The following ACR variants were observed in gnomAD, a reference collection of about 807,000 sequenced individuals.
ACR encodes acrosin light and heavy chain prepropeptide.
A neutral mutation model predicts 26.0 loss-of-function variants in ACR; 17 were observed. The ratio of observed to expected loss-of-function variants is 0.65; its 90% CI spans 0.45 to 0.98. ACR has a LOEUF of 0.98. Ranked by LOEUF, ACR falls within the 50% of genes least tolerant of loss-of-function variation. The pLI, the probability that ACR is intolerant of heterozygous loss-of-function variation, is 0.00. For missense variants in ACR, 435 were observed against 519.3 expected, an observed-to-expected ratio of 0.84 and a Z score of 1.58; for synonymous variants, 199 against 207.7, an observed-to-expected ratio of 0.96 and a Z score of 0.36.
At chr22:50,740,457 T>C in intron 3 of ACR, 1 of 622,044 alleles carries the variant, frequency 1.6e-6, no homozygotes, top group Non-Finnish European at 2.9e-6. Context: ...CCAGCCTTCC[T>C]GCTTCCAGGC....
In ACR at chr22:50,739,819, C is replaced by A. The variant is rs765965924; in HGVS notation, c.407C>A (p.Ser136Tyr). The A allele has an allele frequency of 1.7e-5, 28 of 1,610,878 alleles. No homozygotes were observed. In the African/African-American group the frequency reaches 2.8e-4, roughly 16 times the overall value. The change falls in exon 3 of 5, where the codon TCT (serine) becomes TAT (tyrosine). Residue 136 changes from serine to tyrosine, a missense_variant. By Grantham distance (144) the Ser-to-Tyr change is moderately radical. Around this residue, in one of 3 missense-constraint regions of ACR, gnomAD observed 314 missense variants for 372.0 expected, o/e 0.84. Coordinates refer to ENST00000216139, the MANE Select transcript of ACR (RefSeq NM_001097.3). The surrounding 1 kb of genome is among the most constrained non-coding windows in gnomAD (Gnocchi z 5.5). ...EKIIIHEKYN[S>Y]ATEGNDIALV... ...ATCATCATTCATGAAAAATACAACTCTGCGACAGAGGGAAATGACATTGCC... is the reference window on the plus strand; with the variant it reads ...ATCATCATTCATGAAAAATACAACTATGCGACAGAGGGAAATGACATTGCC...
intron 3 of ACR, chr22:50,740,990 G>C (rs1308301571): frequency 1.8e-5 from 8 of 441,078 alleles, no homozygotes; most frequent in South Asian, 2.8e-5. Flanking sequence ...TTTGCCAGCA[G>C]GACAAGACCC....
chr22:50,740,079 A>G, intron 3 of ACR, 102 bp downstream of exon 3: 1 of 1,471,036 alleles, frequency 6.8e-7, no homozygotes, highest in Non-Finnish European at 9.4e-7. Flanking sequence ...GGCTGCTTTC[A>G]TCCTCCTCAC....
At position 50,744,667 on chromosome 22, in the gene ACR, G is replaced by T; in HGVS notation, c.726G>T (p.Gly242=). The change falls in exon 5 of 5, where the codon GGG becomes GGT. Residue 242 remains glycine, a synonymous_variant. Transcript: ENST00000216139. ...KIDTCQGDSG[G]PLMCKDSKES... ...CTTCTGGACAGGGAGACAGCGGCGG[G>T]CCTCTCATGTGCAAAGACAGCAAGG... is the stretch of plus-strand genomic sequence containing the variant. 1 of 1,611,568 alleles carries T rather than the reference G, an allele frequency of 6.2e-7. No homozygotes were observed. The highest frequency in any genetic ancestry group is 8.5e-7 in the Non-Finnish European group (1 of 1,178,826).
At chr22:50,741,232 C>T (rs1027610380) in intron 3 of ACR, among the ~76,000 whole-genome samples, 1 of 152,208 alleles carries the variant, frequency 6.6e-6, no homozygotes, top group African/African-American at 2.4e-5. Flanking sequence ...AAGTTTCTGA[C>T]AGGTTTGTCA....
At chr22:50,740,072 T>A in intron 3 of ACR, 95 bp downstream of exon 3, 1 of 1,520,952 alleles carries the variant, frequency 6.6e-7, no homozygotes, top group African/African-American at 1.4e-5. Context: ...CCAGCCAGGC[T>A]GCTTTCATCC....
chr22:50,744,171 G>T lies in ACR; in HGVS notation c.676G>T (p.Ala226Ser). ...GCGCGTTCAGCCAACCAATGTGTGCGCGGGGTATCCTGTAGGCAAGATCGA... is the reference window on the plus strand; with the variant it reads ...GCGCGTTCAGCCAACCAATGTGTGCTCGGGGTATCCTGTAGGCAAGATCGA... ...NGRVQPTNVC[A>S]GYPVGKIDTC... The change falls in exon 4 of 5, where the codon GCG becomes TCG. Residue 226 changes from alanine to serine, a missense_variant. By Grantham distance (99) the Ala-to-Ser change is moderately conservative. Transcript: ENST00000216139. 6.2e-7 allele frequency: 1 copy of T among 1,613,778 alleles called. No individual in the cohort carries two copies. Among genetic ancestry groups the T allele is most frequent in the Non-Finnish European group, 8.5e-7 (1 of 1,179,804 alleles).
chr22:50,744,717 T>C lies in ACR; in HGVS notation c.776T>C (p.Ile259Thr). Residue 259 changes from isoleucine to threonine, a missense_variant, in exon 5 of 5, where the codon ATC (isoleucine) becomes ACC (threonine). Coordinates refer to ENST00000216139, the MANE Select transcript of ACR (RefSeq NM_001097.3). Reference protein sequence around the residue: ...SKESAYVVVGITSWGVGCARA... With the variant: ...SKESAYVVVGTTSWGVGCARA... ...GAAAGCGCCTATGTGGTCGTGGGAA[T>C]CACAAGCTGGGGGGTAGGCTGTGCC... The C allele has an allele frequency of 6.2e-7, 1 of 1,613,262 alleles. No homozygotes were observed. The highest frequency in any genetic ancestry group is 8.5e-7 in the Non-Finnish European group (1 of 1,179,770).
chr22:50,744,292 C>A lies in ACR; in HGVS notation c.711+86C>A, dbSNP rs1051423999. 3.9e-6 allele frequency: 4 copies of A among 1,025,702 alleles called. No homozygotes were observed. The African/African-American group carries it at 6.4e-5, about 16-fold the overall frequency. 63.5% of individuals were successfully genotyped at this position (1,025,702 alleles called of 1,614,324 possible). On this transcript the variant is annotated intron_variant, in intron 4 of 4. Coordinates refer to ENST00000216139, the MANE Select transcript of ACR (RefSeq NM_001097.3). ...AACATCCTCCTTTTGGATCCCCAAG[C>A]TCCACTATCTCCACTGCTCTGCCCA...
chr22:50,738,698 G>A (rs2146852124), intron 1 of ACR, among the ~76,000 whole-genome samples: 1 of 150,240 alleles, frequency 6.7e-6, no homozygotes, highest in Middle Eastern at 3.4e-3. Flanking sequence ...CTCACTCCAA[G>A]GTACCCCGAA....
Position 50,739,067 on chromosome 22 carries a change from A to G in ACR, c.78-204A>G, listed in dbSNP as rs2083411739. On this transcript the variant is annotated intron_variant, in intron 1 of 4. Transcript: ENST00000216139. This position sits in a 1 kb window ranked among gnomAD's most constrained non-coding sequence, Gnocchi z 5.5. The stretch of plus-strand genomic sequence containing the variant: ...TCTTTCTCCATCTGTGACTGCACCC[A>G]CAAGACCTGAGAAGTCGTGGCCCCA... Among the ~76,000 whole-genome samples the G allele has an allele frequency of 6.6e-6, 1 of 152,030 alleles. No homozygotes were observed. Among genetic ancestry groups the G allele is most frequent in the African/African-American group, 2.4e-5 (1 of 41,384 alleles).
chr22:50,744,113 G>C lies in ACR; in HGVS notation c.618G>C (p.Leu206=), dbSNP rs376097535. 1 of 1,609,724 alleles carries C rather than the reference G, an allele frequency of 6.2e-7. No individual in the cohort carries two copies. Among genetic ancestry groups the C allele is most frequent in the Non-Finnish European group, 8.5e-7 (1 of 1,178,148 alleles). The stretch of plus-strand genomic sequence containing the variant: ...AGGCACGTGTGGATCTCATCGACCT[G>C]GACTTGTGTAACTCGACCCAGTGGT... ...LMEARVDLID[L]DLCNSTQWYN... Residue 206 remains leucine, a synonymous_variant, in exon 4 of 5, where the codon CTG becomes CTC. Coordinates refer to ENST00000216139, the MANE Select transcript of ACR (RefSeq NM_001097.3).
chr22:50,740,188 C>G (rs2083419427), intron 3 of ACR: 1 of 694,860 alleles, frequency 1.4e-6, no homozygotes, highest in Non-Finnish European at 2.6e-6. Context: ...GGGCTGACAG[C>G]AGGTGCAGGC....
In ACR at chr22:50,739,710, A is replaced by C; in HGVS notation, c.298A>C (p.Arg100=). The change falls in exon 3 of 5, where the codon AGA becomes CGA. Residue 100 remains arginine (R), a synonymous_variant. Transcript: ENST00000216139. This position sits in a 1 kb window ranked among gnomAD's most constrained non-coding sequence, Gnocchi z 5.5. ...FVGKNNVHDW[R]LVFGAKEITY... is the part of the protein sequence containing the mutation. ...TGCCCACAGTAATGTGCATGACTGG[A>C]GACTGGTTTTCGGAGCAAAGGAAAT... 6.5e-7 allele frequency: 1 copy of C among 1,540,768 alleles called. No individual in the cohort carries two copies. The highest frequency in any genetic ancestry group is 1.8e-4 in the Middle Eastern group (1 of 5,688).
chr22:50,741,093 G>T (rs1712911382), intron 3 of ACR, among the ~76,000 whole-genome samples: 1 of 152,164 alleles, frequency 6.6e-6, no homozygotes, highest in South Asian at 2.1e-4. Flanking sequence ...GGATAATGAG[G>T]CTTCTTAATT....
intron 3 of ACR, among the ~76,000 whole-genome samples, chr22:50,743,189 CCA>C: frequency 1.3e-5 from 2 of 150,084 alleles, no homozygotes; most frequent in Non-Finnish European, 3.0e-5. Flanking sequence ...GCGCCCGCCA[CCA>C]TGCCTGGCTA....
chr22:50,742,273 G>C (rs934648545), intron 3 of ACR, among the ~76,000 whole-genome samples: 1 of 151,954 alleles, frequency 6.6e-6, no homozygotes, highest in Non-Finnish European at 1.5e-5. Context: ...GGCCGGGCGC[G>C]GTGGCTCACT....
At chr22:50,743,175 A>G (rs1279078538) in intron 3 of ACR, among the ~76,000 whole-genome samples, 2 of 150,092 alleles carry the variant, frequency 1.3e-5, no homozygotes, top group Non-Finnish European at 3.0e-5. Flanking sequence ...AGCTGGGACT[A>G]CAGGCGCCCG....
intron 1 of ACR, among the ~76,000 whole-genome samples, chr22:50,738,982 G>A (rs1444719102): frequency 6.6e-6 from 1 of 151,954 alleles, no homozygotes; most frequent in Admixed American, 6.5e-5. Flanking sequence ...CTCCTGTTCT[G>A]CCCAGGGACG....
Sources: allele counts gnomAD v4.1 joint callset (sites outside exome capture counted in the v4.1 genomes callset), GRCh38; gene constraint gnomAD v4.1.1; regional missense constraint gnomAD v4.1.1; non-coding constraint Gnocchi (gnomAD v3.1); transcripts MANE v1.5; gene names NCBI Gene and HGNC (gene_info 2026-07-23, HGNC 2026-07-21).